CPNE8: variants seen among roughly 807,000 people sequenced by gnomAD.
CPNE8 encodes the protein copine-8.
CPNE8 carries 45 observed loss-of-function variants against 81.5 expected under a neutral mutation model. The ratio of observed to expected loss-of-function variants is 0.55; its 90% CI spans 0.44 to 0.71. The LOEUF is 0.71. Ranked by LOEUF, CPNE8 falls within the 30% of genes least tolerant of loss-of-function variation. The pLI, the probability that CPNE8 is intolerant of heterozygous loss-of-function variation, is 0.00. For missense variants in CPNE8, 594 were observed against 672.1 expected, an observed-to-expected ratio of 0.88 and a Z score of 1.28; for synonymous variants, 252 against 226.3, an observed-to-expected ratio of 1.11 and a Z score of -1.02.
chr12:38,717,818 T>G (rs1356974528), intron 13 of CPNE8, among the ~76,000 whole-genome samples: 1 of 151,268 alleles, frequency 6.6e-6, no homozygotes, highest in Non-Finnish European at 1.5e-5. Flanking sequence ...TATAAAGAAA[T>G]AAGCCTGGAA....
intron 3 of CPNE8, among the ~76,000 whole-genome samples, chr12:38,851,927 G>A (rs1943653278): frequency 6.6e-6 from 1 of 151,974 alleles, no homozygotes; most frequent in Admixed American, 6.6e-5. Context: ...CTTACCTCAT[G>A]GCCTTTGCAC....
intron 3 of CPNE8, among the ~76,000 whole-genome samples, chr12:38,849,835 T>C (rs1453054488): frequency 6.6e-6 from 1 of 152,214 alleles, no homozygotes; most frequent in East Asian, 1.9e-4. Flanking sequence ...ATTGAGTATT[T>C]ACCTTGTTCC....
intron 18 of CPNE8, among the ~76,000 whole-genome samples, chr12:38,671,372 AT>A (rs1253558639): frequency 6.6e-6 from 1 of 152,102 alleles, no homozygotes. Flanking sequence ...TACTGATTGG[AT>A]AAAGTATGAT....
At chr12:38,794,462 C>T (rs368662386) in intron 6 of CPNE8, among the ~76,000 whole-genome samples, 2 of 151,844 alleles carry the variant, frequency 1.3e-5, no homozygotes, top group African/African-American at 4.8e-5. Context: ...GCATAAAGAA[C>T]TCCTCCCAAT....
chr12:38,778,907 T>C (rs916628940), intron 6 of CPNE8, among the ~76,000 whole-genome samples: 4 of 152,120 alleles, frequency 2.6e-5, no homozygotes, highest in African/African-American at 9.7e-5. Flanking sequence ...TTAACCAGGG[T>C]CATTGCACAT....
rs71068581 is a variant in CPNE8, at chr12:38,805,677, T to TAA, written c.407+23700_407+23701dup. ...AGAGTATAATAAAAAAAAAAAACAT[T>TAA]AAAAAAAAAAAAAAGAACTAGAAAA... is the stretch of plus-strand genomic sequence containing the variant. On this transcript the variant is annotated intron_variant, in intron 6 of 19. Transcript: ENST00000331366. 1.9e-3 allele frequency among the ~76,000 whole-genome samples: 203 copies of TAA among 104,858 alleles called. 6 individuals are homozygous for TAA. Among genetic ancestry groups the TAA allele is most frequent in the East Asian group, 9.7e-3 (23 of 2,364 alleles). The allele number at this position is 104,858 out of a possible 152,430, so 68.8% of individuals were successfully genotyped here.
chr12:38,871,810 T>C (rs533708740), intron 3 of CPNE8, among the ~76,000 whole-genome samples: 13 of 152,244 alleles, frequency 8.5e-5, no homozygotes, highest in African/African-American at 2.6e-4. Flanking sequence ...GAGTTTATAT[T>C]TGATATACAG....
rs35643732 is a variant in CPNE8 at position 38,687,370 on chromosome 12, C to CTTTT, written c.1144-1754_1144-1753insAAAA. On this transcript the variant is annotated intron_variant, in intron 15 of 19. Coordinates refer to ENST00000331366, the MANE Select transcript of CPNE8 (RefSeq NM_153634.3). ...GCTACCAAATTACGAAATGCCAAGA[C>CTTTT]TTTCTTTTTTTTTTTTTTTTTTTTT... 4.0e-4 allele frequency among the ~76,000 whole-genome samples: 38 copies of CTTTT among 95,510 alleles called. 4 individuals carry two copies. Among genetic ancestry groups the CTTTT allele is most frequent in the East Asian group, 2.0e-3 (6 of 3,018 alleles). 62.7% of individuals were successfully genotyped at this position (95,510 alleles called of 152,430 possible).
At chr12:38,749,582 G>A (rs1473558951) in intron 10 of CPNE8, among the ~76,000 whole-genome samples, 4 of 152,184 alleles carry the variant, frequency 2.6e-5, no homozygotes, top group South Asian at 2.1e-4. Context: ...CCAGGCTGAG[G>A]ATGACGTACT....
Position 38,872,984 on chromosome 12 carries a change from TA to T in CPNE8, c.186+19del. On this transcript the variant is annotated intron_variant, in intron 3 of 19. Coordinates refer to ENST00000331366, the MANE Select transcript of CPNE8 (RefSeq NM_153634.3). ...GTATCTTCAAGCCCAGTGATTTTTTTAAAAAAGTTTTAAACTTACCTCTCTC... is the reference window on the plus strand; with the variant it reads ...GTATCTTCAAGCCCAGTGATTTTTTTAAAAAGTTTTAAACTTACCTCTCTC... 1 of 1,406,356 alleles carries T rather than the reference TA, an allele frequency of 7.1e-7. No homozygotes were observed. The highest frequency in any genetic ancestry group is 1.0e-6 in the Non-Finnish European group (1 of 996,778). The allele number at this position is 1,406,356 out of a possible 1,614,324, so 87.1% of individuals were successfully genotyped here.
At chr12:38,739,040 T>G (rs1941025442) in intron 10 of CPNE8, among the ~76,000 whole-genome samples, 1 of 152,084 alleles carries the variant, frequency 6.6e-6, no homozygotes, top group African/African-American at 2.4e-5. Context: ...GTCAAACTCC[T>G]AGGCTCAAGA....
chr12:38,785,195 A>C (rs1011734626), intron 6 of CPNE8, among the ~76,000 whole-genome samples: 17 of 152,142 alleles, frequency 1.1e-4, no homozygotes, highest in Non-Finnish European at 2.1e-4. Flanking sequence ...CTCTGAAAAA[A>C]AAAAAAAAAA....
intron 3 of CPNE8, among the ~76,000 whole-genome samples, chr12:38,860,048 A>G (rs574752098): frequency 6.6e-6 from 1 of 152,264 alleles, no homozygotes; most frequent in East Asian, 1.9e-4. Flanking sequence ...CAGCAAAAGC[A>G]AAATTAGGTG....
intron 13 of CPNE8, among the ~76,000 whole-genome samples, chr12:38,719,958 A>G (rs1422723507): frequency 1.3e-5 from 2 of 152,220 alleles, no homozygotes; most frequent in Admixed American, 1.3e-4. Flanking sequence ...AACTTAAACT[A>G]TATTTCCCCA....
At chr12:38,791,994 G>T (rs1179274684) in intron 6 of CPNE8, among the ~76,000 whole-genome samples, 2 of 147,878 alleles carry the variant, frequency 1.4e-5, no homozygotes, top group Non-Finnish European at 3.0e-5. Context: ...GGTCAAAGAG[G>T]AGACCATAGG....
chr12:38,797,179 G>C (rs537433428), intron 6 of CPNE8, among the ~76,000 whole-genome samples: 1 of 152,222 alleles, frequency 6.6e-6, no homozygotes, highest in Non-Finnish European at 1.5e-5. Context: ...CTGTCTGACA[G>C]CTTTGAACAG....
chr12:38,824,898 T>C (rs931550189), intron 6 of CPNE8, among the ~76,000 whole-genome samples: 1 of 152,120 alleles, frequency 6.6e-6, no homozygotes, highest in East Asian at 1.9e-4. Context: ...ACCAGGAGTG[T>C]GCAAATTCTA....
chr12:38,856,737 T>C (rs1475802873), intron 3 of CPNE8, among the ~76,000 whole-genome samples: 2 of 152,212 alleles, frequency 1.3e-5, no homozygotes, highest in African/African-American at 4.8e-5. Flanking sequence ...TACTTCATGT[T>C]GTACTGCAAG....
At chr12:38,875,761 CT>C (rs1345274073) in intron 1 of CPNE8, among the ~76,000 whole-genome samples, 1 of 152,154 alleles carries the variant, frequency 6.6e-6, no homozygotes, top group East Asian at 1.9e-4. Context: ...ATCAGACATA[CT>C]CATATTTGGA....
Sources: gnomAD v4.1 joint callset for allele counts (sites outside exome capture counted in the v4.1 genomes callset) on GRCh38, gnomAD v4.1.1 for gene constraint, MANE v1.5 for transcripts, NCBI Gene and HGNC (gene_info 2026-07-23, HGNC 2026-07-21) for gene names.